Variants in CDKAL1 observed in about 807,000 individuals in gnomAD.
The protein encoded by CDKAL1 is threonylcarbamoyladenosine tRNA methylthiotransferase.
Under a neutral mutation model 68.2 loss-of-function variants are expected in CDKAL1, and 32 were observed. The observed-to-expected ratio is 0.47, with a 90% CI of 0.35 to 0.63. The LOEUF (loss-of-function observed/expected upper bound fraction) is 0.63. CDKAL1 is among the 30% of genes least tolerant of loss of function. The pLI, the probability that CDKAL1 is intolerant of heterozygous loss-of-function variation, is 0.00. For synonymous variants in CDKAL1, 234 were observed against 244.3 expected (o/e 0.96, Z 0.39); for missense variants, 606 against 696.7 (o/e 0.87, Z 1.47).
intron 4 of CDKAL1, among the ~76,000 whole-genome samples, chr6:20,637,891 A>AT (rs200845488): frequency 3.3e-5 from 5 of 150,822 alleles, no homozygotes; most frequent in South Asian, 2.1e-4. Context: ...TTATTGTCTT[A>AT]TTTTTTTTTC....
At chr6:21,229,182 C>T (rs1425473054) in intron 15 of CDKAL1, among the ~76,000 whole-genome samples, 1 of 152,174 alleles carries the variant, frequency 6.6e-6, no homozygotes, top group Non-Finnish European at 1.5e-5. Context: ...AGCAAGAATT[C>T]TTCCCACACA....
At chr6:21,198,607 A>G (rs1426476324) in intron 14 of CDKAL1, among the ~76,000 whole-genome samples, 1 of 152,190 alleles carries the variant, frequency 6.6e-6, no homozygotes, top group East Asian at 1.9e-4. Flanking sequence ...TACCTTAATA[A>G]AAATGCTGGG....
intron 11 of CDKAL1, among the ~76,000 whole-genome samples, chr6:21,050,301 G>A (rs964583745): frequency 3.9e-5 from 6 of 152,188 alleles, no homozygotes; most frequent in Admixed American, 3.3e-4. Context: ...GCAAACCGGG[G>A]ACCTCTGGCT....
At chr6:20,980,689 T>G (rs567810579) in intron 10 of CDKAL1, among the ~76,000 whole-genome samples, 4 of 152,212 alleles carry the variant, frequency 2.6e-5, no homozygotes, top group East Asian at 1.9e-4. Context: ...CTTATGTTGC[T>G]TAAAAAAGGC....
intron 9 of CDKAL1, among the ~76,000 whole-genome samples, chr6:20,917,737 G>A (rs1345807254): frequency 6.6e-6 from 1 of 152,116 alleles, no homozygotes; most frequent in African/African-American, 2.4e-5. Context: ...ACATATGAGT[G>A]AGAACATACA....
intron 13 of CDKAL1, among the ~76,000 whole-genome samples, chr6:21,176,669 G>A (rs1777583067): frequency 6.6e-6 from 1 of 150,648 alleles, no homozygotes; most frequent in South Asian, 2.1e-4. Context: ...ATGTCTTCAT[G>A]GGCTGGATGT....
intron 10 of CDKAL1, among the ~76,000 whole-genome samples, chr6:20,960,272 G>T (rs985251849): frequency 6.6e-6 from 1 of 152,166 alleles, no homozygotes; most frequent in Non-Finnish European, 1.5e-5. Flanking sequence ...ATACACCACT[G>T]TGCCTGGCTG....
intron 12 of CDKAL1, among the ~76,000 whole-genome samples, chr6:21,065,592 G>GTACCCC (rs1771392208): frequency 6.6e-6 from 1 of 150,900 alleles, no homozygotes; most frequent in Non-Finnish European, 1.5e-5. Flanking sequence ...CTTTTTAAGA[G>GTACCCC]ACTCTTTTCA....
chr6:20,831,901 GT>G (rs1401604183), intron 8 of CDKAL1, among the ~76,000 whole-genome samples: 1 of 152,158 alleles, frequency 6.6e-6, no homozygotes, highest in Non-Finnish European at 1.5e-5. Context: ...TCATGTAGTT[GT>G]AAAAGGATCA....
intron 9 of CDKAL1, among the ~76,000 whole-genome samples, chr6:20,907,707 A>G (rs773242425): frequency 1.4e-4 from 21 of 152,218 alleles, no homozygotes; most frequent in Non-Finnish European, 2.2e-4. Flanking sequence ...GGGAGGGCCA[A>G]TGGGGAGTTG....
At chr6:20,922,291 T>C (rs554910303) in intron 9 of CDKAL1, among the ~76,000 whole-genome samples, 2 of 151,966 alleles carry the variant, frequency 1.3e-5, no homozygotes, top group Non-Finnish European at 2.9e-5. Context: ...TTGTAAAGGG[T>C]TTTTGACATT....
intron 8 of CDKAL1, among the ~76,000 whole-genome samples, chr6:20,809,128 C>A (rs1315988078): frequency 1.3e-5 from 2 of 152,102 alleles, no homozygotes; most frequent in Admixed American, 1.3e-4. Flanking sequence ...AATCTGTGAT[C>A]TTTTTGCCTG....
At chr6:21,084,167 T>C (rs1014844234) in intron 12 of CDKAL1, among the ~76,000 whole-genome samples, 1 of 152,228 alleles carries the variant, frequency 6.6e-6, no homozygotes, top group Non-Finnish European at 1.5e-5. Context: ...TGACTTGAAC[T>C]GTCATCTTAT....
In CDKAL1 at chr6:21,089,088, T is replaced by G. The variant is rs114850629; in HGVS notation, c.1237-19313T>G. On this transcript the variant is annotated intron_variant, in intron 12 of 15. Transcript: ENST00000274695. ...AAATCGTAGCATTTACTTCCCTTGATTTTTAAAGGAATAAAGCAAAAAGGA... is the reference window on the plus strand; with the variant it reads ...AAATCGTAGCATTTACTTCCCTTGAGTTTTAAAGGAATAAAGCAAAAAGGA... Among the ~76,000 whole-genome samples, 1,016 of 152,350 alleles carry G rather than the reference T, an allele frequency of 6.7e-3. 14 individuals carry two copies. Among genetic ancestry groups the G allele is most frequent in the African/African-American group, 0.023 (948 of 41,578 alleles).
chr6:20,819,938 G>A (rs1777206987), intron 8 of CDKAL1, among the ~76,000 whole-genome samples: 1 of 152,084 alleles, frequency 6.6e-6, no homozygotes, highest in South Asian at 2.1e-4. Context: ...GTGATGCCTC[G>A]CACAGATATG....
At chr6:20,625,806 T>C (rs764612972) in intron 4 of CDKAL1, among the ~76,000 whole-genome samples, 4 of 152,264 alleles carry the variant, frequency 2.6e-5, no homozygotes, top group South Asian at 4.1e-4. Context: ...AAATGTAGAC[T>C]GTTATGTGAA....
chr6:20,564,000 T>C (rs917026436), intron 4 of CDKAL1, among the ~76,000 whole-genome samples: 11 of 152,200 alleles, frequency 7.2e-5, no homozygotes, highest in Non-Finnish European at 1.6e-4. Flanking sequence ...GATTTTGGGA[T>C]CAATTACTAA....
At chr6:20,978,635 C>G (rs1289068220) in intron 10 of CDKAL1, among the ~76,000 whole-genome samples, 1 of 152,156 alleles carries the variant, frequency 6.6e-6, no homozygotes, top group African/African-American at 2.4e-5. Flanking sequence ...TTTTCATACT[C>G]TCTTTGGACT....
chr6:20,844,685 A>AT (rs201518036), intron 8 of CDKAL1, among the ~76,000 whole-genome samples: 877 of 15,014 alleles, frequency 0.058, 6 homozygotes, highest in Non-Finnish European at 0.086. Context: ...CCCCGTTTCT[A>AT]TTAAAAAAAA....
Sources: gnomAD v4.1 joint callset for allele counts (sites outside exome capture counted in the v4.1 genomes callset) on GRCh38, gnomAD v4.1.1 for gene constraint, MANE v1.5 for transcripts, NCBI Gene and HGNC (gene_info 2026-07-23, HGNC 2026-07-21) for gene names.